PTGR1: variants seen among roughly 807,000 people sequenced by gnomAD.
The protein encoded by PTGR1 is prostaglandin reductase 1.
A neutral mutation model predicts 37.7 loss-of-function variants in PTGR1; 23 were observed. That is an observed-to-expected ratio of 0.61 (90% CI 0.44 to 0.86). The LOEUF (loss-of-function observed/expected upper bound fraction) is 0.86. Among genes scored for constraint, PTGR1 ranks in the 40% least tolerant of loss-of-function variants. The probability of loss-of-function intolerance (pLI) is 0.00; values close to 1 mark genes in which losing one functional copy is unlikely to be tolerated. For missense variants in PTGR1, 351 were observed against 394.3 expected, an observed-to-expected ratio of 0.89 and a Z score of 0.93; for synonymous variants, 134 against 140.0, an observed-to-expected ratio of 0.96 and a Z score of 0.30.
At chr9:111,561,106 T>TAGAGAGAGAGAGAGAGAG (rs1240649497), downstream of PTGR1, among the ~76,000 whole-genome samples, 1 of 23,176 alleles carries the variant, frequency 4.3e-5, no homozygotes, top group Non-Finnish European at 7.7e-5. Context: ...TATATATATA[T>TAGAGAGAGAGAGAGAGAG]ATATAGAGAG....
chr9:111,570,226 A>G lies in PTGR1; in HGVS notation c.761-17T>C, dbSNP rs1200797797. Reference sequence around the variant, plus strand: ...GGGGTGGGCCTGTGAAGAGAAGGGCACATTTGGGTGGCAGGATCCAGGGAG... The same window carrying G: ...GGGGTGGGCCTGTGAAGAGAAGGGCGCATTTGGGTGGCAGGATCCAGGGAG... On this transcript the variant is annotated splice_polypyrimidine_tract_variant and intron_variant, in intron 8 of 9. Coordinates refer to ENST00000407693, the MANE Select transcript of PTGR1 (RefSeq NM_001146108.2). 6.2e-7 allele frequency: 1 copy of G among 1,608,276 alleles called. No individual in the cohort carries two copies. The highest frequency in any genetic ancestry group is 1.7e-5 in the Admixed American group (1 of 59,316).
chr9:111,583,528 C>A lies in PTGR1; in HGVS notation c.439G>T (p.Val147Phe). ...CGVKGGETVM[V>F]NAAAGAVGSV... The stretch of plus-strand genomic sequence containing the variant: ...CCCACAGCTCCAGCTGCTGCATTAA[C>A]CATCACTGTTTCTCCACCCTTCACA... The change falls in exon 6 of 10, where the codon GTT (valine) becomes TTT (phenylalanine). Residue 147 changes from valine to phenylalanine, a missense_variant. Physicochemically the swap from Val to Phe is conservative, Grantham distance 50. Coordinates refer to ENST00000407693, the MANE Select transcript of PTGR1 (RefSeq NM_001146108.2). 1 of 1,614,144 alleles carries A rather than the reference C, an allele frequency of 6.2e-7. No individual in the cohort carries two copies. Among genetic ancestry groups the A allele is most frequent in the African/African-American group, 1.3e-5 (1 of 75,030 alleles).
At chr9:111,574,660 G>A (rs779921329) in intron 8 of PTGR1, 74 bp downstream of exon 8, 2 of 951,794 alleles carry the variant, frequency 2.1e-6, no homozygotes, top group East Asian at 5.3e-5. Context: ...AGAGTCACTG[G>A]CCTATGGCAT....
At chr9:111,559,596 ACT>A (rs1491015550), downstream of PTGR1, among the ~76,000 whole-genome samples, 1 of 151,510 alleles carries the variant, frequency 6.6e-6, no homozygotes, top group Non-Finnish European at 1.5e-5. Flanking sequence ...ACACACACAC[ACT>A]CACACACACA....
intron 7 of PTGR1, chr9:111,576,417 C>A: frequency 6.2e-7 from 1 of 1,614,060 alleles, no homozygotes; most frequent in Non-Finnish European, 8.5e-7. Flanking sequence ...CTGAATAAGA[C>A]CATGCTCTGC....
At chr9:111,578,048 A>G (rs1473590023) in intron 7 of PTGR1, among the ~76,000 whole-genome samples, 3 of 152,110 alleles carry the variant, frequency 2.0e-5, no homozygotes, top group African/African-American at 4.8e-5. Context: ...AATTTTGCCA[A>G]TATAGTAAAA....
At position 111,573,565 on chromosome 9, in the gene PTGR1, C is replaced by T. The variant is rs1554817911; in HGVS notation, c.760+1169G>A. ...AAGATTCCTTTTTTTCCTACTTTCT[C>T]GTACTTTCTCCTTTTTTGGGGGGGG... On this transcript the variant is annotated intron_variant, in intron 8 of 9. Coordinates refer to ENST00000407693, the MANE Select transcript of PTGR1 (RefSeq NM_001146108.2). Among the ~76,000 whole-genome samples, 7 of 152,234 alleles carry T rather than the reference C, an allele frequency of 4.6e-5. 1 individual carries two copies. In the South Asian group the frequency reaches 1.2e-3, roughly 27 times the overall value.
chr9:111,557,945 G>A (rs1213280301), downstream of PTGR1, among the ~76,000 whole-genome samples: 5 of 152,054 alleles, frequency 3.3e-5, no homozygotes, highest in Non-Finnish European at 7.4e-5. Context: ...TTAAGAGTTC[G>A]AGGCCAGCCT....
chr9:111,558,011 G>A (rs909908572), downstream of PTGR1, among the ~76,000 whole-genome samples: 4 of 152,136 alleles, frequency 2.6e-5, no homozygotes, highest in Admixed American at 2.0e-4. Flanking sequence ...GCCAGGCATG[G>A]TGGTGCGCGC....
intron 1 of PTGR1, among the ~76,000 whole-genome samples, chr9:111,597,874 A>C (rs571178666): frequency 1.3e-5 from 2 of 152,296 alleles, no homozygotes; most frequent in South Asian, 4.2e-4. Flanking sequence ...AACACAAAGA[A>C]CCCAATAGAT....
intron 9 of PTGR1, among the ~76,000 whole-genome samples, chr9:111,568,742 A>G (rs1554817312): frequency 1.3e-5 from 2 of 151,790 alleles, no homozygotes; most frequent in Non-Finnish European, 2.9e-5. Context: ...CTCTCTTTGT[A>G]CTCTTTCTCT....
At chr9:111,578,520 A>G (rs1238712091) in intron 7 of PTGR1, among the ~76,000 whole-genome samples, 1 of 152,180 alleles carries the variant, frequency 6.6e-6, no homozygotes, top group Admixed American at 6.5e-5. Context: ...TAGATCCCTC[A>G]CATGCATAGT....
At chr9:111,578,233 T>C (rs1829146398) in intron 7 of PTGR1, among the ~76,000 whole-genome samples, 1 of 152,118 alleles carries the variant, frequency 6.6e-6, no homozygotes, top group Non-Finnish European at 1.5e-5. Context: ...CAGGGAGCAG[T>C]TTCATTGGAA....
In PTGR1 at chr9:111,552,278, T is replaced by G. The variant is rs542063065; in HGVS notation, c.880-2479A>C. On this transcript the variant is annotated intron_variant, in intron 9 of 9. Transcript: ENST00000538962. Reference sequence around the variant, plus strand: ...TTGGTAAAGAAACAAGATCATTAGATACATTGTCTTTTTTTTTCAGAAGTT... The same window carrying G: ...TTGGTAAAGAAACAAGATCATTAGAGACATTGTCTTTTTTTTTCAGAAGTT... Among the ~76,000 whole-genome samples, 23 of 151,548 alleles carry G rather than the reference T, an allele frequency of 1.5e-4. No homozygotes were observed. The East Asian group carries it at 4.5e-3, about 29-fold the overall frequency.
chr9:111,592,667 C>A (rs1829654547), intron 4 of PTGR1: 1 of 394,276 alleles, frequency 2.5e-6, no homozygotes, highest in East Asian at 4.5e-5. Flanking sequence ...AAATCATGAC[C>A]TGGACAAATA....
chr9:111,560,986 G>T (rs561574755), downstream of PTGR1, among the ~76,000 whole-genome samples: 47 of 69,546 alleles, frequency 6.8e-4, no homozygotes, highest in East Asian at 2.8e-3. Context: ...GAGAGAGAGA[G>T]AGAGAGAGAG....
intron 6 of PTGR1, 59 bp from the exon 7 acceptor site, chr9:111,579,010 C>A: frequency 6.7e-7 from 1 of 1,502,264 alleles, no homozygotes. Flanking sequence ...TGGACCAACA[C>A]TACTTTCCTG....
At chr9:111,576,353 G>A in intron 7 of PTGR1, 2 of 1,613,842 alleles carry the variant, frequency 1.2e-6, no homozygotes, top group Non-Finnish European at 8.5e-7. Flanking sequence ...AGCTTTCCCT[G>A]GTCACTTGCA....
Position 111,579,688 on chromosome 9 carries a change from G to A in PTGR1, c.496-737C>T, listed in dbSNP as rs117176689. Among the ~76,000 whole-genome samples, 1,226 of 152,176 alleles carry A rather than the reference G, an allele frequency of 8.1e-3. 11 individuals are homozygous for A. The highest frequency in any genetic ancestry group is 0.012 in the Non-Finnish European group (798 of 68,006). On this transcript the variant is annotated intron_variant, in intron 6 of 9. Transcript: ENST00000407693. ...GCCCAGGCTGATCTTGAACTCCTGGGCTCAAGTGATCCTCCTGCCTCAGCC... is the reference window on the plus strand; with the variant it reads ...GCCCAGGCTGATCTTGAACTCCTGGACTCAAGTGATCCTCCTGCCTCAGCC...
Sources: gnomAD v4.1 joint callset for allele counts (sites outside exome capture counted in the v4.1 genomes callset) on GRCh38, gnomAD v4.1.1 for gene constraint, MANE v1.5 for transcripts, NCBI Gene and HGNC (gene_info 2026-07-23, HGNC 2026-07-21) for gene names.